SGCZ: variants seen among roughly 807,000 people sequenced by gnomAD.
The protein encoded by SGCZ is sarcoglycan zeta, also known as zeta-sarcoglycan.
Under a neutral mutation model 41.3 loss-of-function variants are expected in SGCZ, and 40 were observed. The ratio of observed to expected loss-of-function variants is 0.97; its 90% CI spans 0.75 to 1.26. The LOEUF (loss-of-function observed/expected upper bound fraction) is 1.26. SGCZ is among the 50% of genes most tolerant of loss of function. The pLI, the probability that SGCZ is intolerant of heterozygous loss-of-function variation, is 0.00. For missense variants in SGCZ, 552 were observed against 369.8 expected (o/e 1.49, Z -4.04); for synonymous variants, 206 against 137.5 (o/e 1.50, Z -3.49).
chr8:14,694,288 G>A (rs899817349), intron 1 of SGCZ, among the ~76,000 whole-genome samples: 5 of 152,052 alleles, frequency 3.3e-5, no homozygotes, highest in African/African-American at 1.2e-4. Context: ...TTCTTTTGTT[G>A]TATTCTTACA....
chr8:14,192,409 A>G (rs975437371), intron 4 of SGCZ, among the ~76,000 whole-genome samples: 3 of 151,836 alleles, frequency 2.0e-5, no homozygotes, highest in South Asian at 2.1e-4. Flanking sequence ...TTTATTTTTT[A>G]TAACTAGATC....
intron 2 of SGCZ, among the ~76,000 whole-genome samples, chr8:14,385,101 G>C (rs1211271506): frequency 2.0e-5 from 3 of 152,152 alleles, no homozygotes; most frequent in Non-Finnish European, 2.9e-5. Context: ...ACTGTGTGTA[G>C]GAATTGGGGT....
chr8:14,870,108 C>T (rs141245855), intron 1 of SGCZ, among the ~76,000 whole-genome samples: 207 of 152,178 alleles, frequency 1.4e-3, no homozygotes, highest in African/African-American at 4.8e-3. Flanking sequence ...CAAAAAAGAG[C>T]CAGTATAGCC....
chr8:14,744,113 A>C (rs981367621), intron 1 of SGCZ, among the ~76,000 whole-genome samples: 7 of 139,640 alleles, frequency 5.0e-5, no homozygotes, highest in Admixed American at 3.7e-4. Flanking sequence ...TTCTCAAAAA[A>C]TTTAAAAAAC....
intron 2 of SGCZ, among the ~76,000 whole-genome samples, chr8:14,402,483 A>G (rs1035230928): frequency 2.6e-5 from 4 of 151,038 alleles, no homozygotes; most frequent in East Asian, 1.9e-4. Context: ...TAAGGAAGGG[A>G]TCCAGTTTCA....
At chr8:14,301,542 A>G (rs1484199216) in intron 3 of SGCZ, among the ~76,000 whole-genome samples, 2 of 152,146 alleles carry the variant, frequency 1.3e-5, no homozygotes, top group Non-Finnish European at 2.9e-5. Flanking sequence ...TTTCAACCTT[A>G]CAAATTGACT....
At chr8:14,146,930 TAGTC>T (rs1391134042) in intron 5 of SGCZ, among the ~76,000 whole-genome samples, 17 of 147,772 alleles carry the variant, frequency 1.2e-4, no homozygotes, top group African/African-American at 4.2e-4. Context: ...TTCCAAGACA[TAGTC>T]AGTACACTAA....
intron 1 of SGCZ, among the ~76,000 whole-genome samples, chr8:14,712,112 A>C (rs537674088): frequency 2.6e-5 from 4 of 152,316 alleles, no homozygotes; most frequent in African/African-American, 4.8e-5. Flanking sequence ...CTACTAAAAG[A>C]AAAACTAAAG....
At chr8:14,927,643 A>T (rs1286048008) in intron 1 of SGCZ, among the ~76,000 whole-genome samples, 2 of 152,138 alleles carry the variant, frequency 1.3e-5, no homozygotes, top group Admixed American at 6.5e-5. Context: ...AAGATCCAGA[A>T]ATATATTTAT....
intron 5 of SGCZ, among the ~76,000 whole-genome samples, chr8:14,137,120 G>T (rs928848544): frequency 3.9e-5 from 6 of 152,138 alleles, no homozygotes; most frequent in African/African-American, 1.4e-4. Flanking sequence ...CAGAAAGAAA[G>T]AGCATCAGCA....
intron 1 of SGCZ, among the ~76,000 whole-genome samples, chr8:14,771,035 A>G (rs931398219): frequency 1.3e-5 from 2 of 152,162 alleles, no homozygotes; most frequent in African/African-American, 4.8e-5. Context: ...AAGCAAATGA[A>G]CAAAAAACAG....
At chr8:15,189,580 A>G (rs1267657519) in intron 1 of SGCZ, among the ~76,000 whole-genome samples, 1 of 145,500 alleles carries the variant, frequency 6.9e-6, no homozygotes, top group Non-Finnish European at 1.5e-5. Context: ...TTTTTTTTTG[A>G]GATAGAGTCT....
chr8:15,028,930 A>G (rs553218642), intron 1 of SGCZ, among the ~76,000 whole-genome samples: 42 of 152,194 alleles, frequency 2.8e-4, no homozygotes, highest in African/African-American at 1.0e-3. Context: ...CATATTCATA[A>G]TCAAGTTTTG....
chr8:14,376,477 C>G (rs2052046251), intron 2 of SGCZ, among the ~76,000 whole-genome samples: 2 of 152,036 alleles, frequency 1.3e-5, no homozygotes, highest in African/African-American at 2.4e-5. Context: ...AAACACAGTT[C>G]ATGAAATTAA....
intron 3 of SGCZ, among the ~76,000 whole-genome samples, chr8:14,277,120 A>T (rs541245318): frequency 6.6e-6 from 1 of 152,306 alleles, no homozygotes; most frequent in Non-Finnish European, 1.5e-5. Flanking sequence ...CTAATAACAT[A>T]ACTATTTCTG....
At chr8:14,462,871 A>ATTTTT (rs34744100) in intron 2 of SGCZ, among the ~76,000 whole-genome samples, 1 of 150,602 alleles carries the variant, frequency 6.6e-6, no homozygotes, top group Admixed American at 6.6e-5. Flanking sequence ...TCTTTTAAGA[A>ATTTTT]TTTTTTTTTG....
chr8:14,204,280 G>GTTTTTTTTTTT (rs11384632), intron 4 of SGCZ, among the ~76,000 whole-genome samples: 2 of 146,350 alleles, frequency 1.4e-5, no homozygotes, highest in Non-Finnish European at 3.0e-5. Flanking sequence ...CACTCTGAAT[G>GTTTTTTTTTTT]TTTTTTTTTT....
chr8:15,229,737 G>C (rs1032882991), intron 1 of SGCZ, among the ~76,000 whole-genome samples: 2 of 152,178 alleles, frequency 1.3e-5, no homozygotes, highest in African/African-American at 2.4e-5. Flanking sequence ...AATGATAACA[G>C]CGTTTTCCCA....
At chr8:14,644,260 C>T (rs1371402620) in intron 1 of SGCZ, among the ~76,000 whole-genome samples, 1 of 151,600 alleles carries the variant, frequency 6.6e-6, no homozygotes, top group Non-Finnish European at 1.5e-5. Context: ...GATTGCCCTC[C>T]ATAAAGTGAG....
Sources: allele counts gnomAD v4.1 joint callset (sites outside exome capture counted in the v4.1 genomes callset), GRCh38; gene constraint gnomAD v4.1.1; transcripts MANE v1.5; gene names NCBI Gene and HGNC (gene_info 2026-07-23, HGNC 2026-07-21).